The following SLC38A1 variants were observed in gnomAD, a reference collection of about 807,000 sequenced individuals.
SLC38A1 encodes the protein solute carrier family 38 member 1, also known as sodium-coupled neutral amino acid symporter 1.
Under a neutral mutation model 60.3 loss-of-function variants are expected in SLC38A1, and 18 were observed. That is an observed-to-expected ratio of 0.30 (90% CI 0.21 to 0.44). SLC38A1 has a LOEUF of 0.44. SLC38A1 is among the 20% of genes least tolerant of loss of function. The pLI is 1.00. For synonymous variants in SLC38A1, 196 were observed against 212.1 expected, an observed-to-expected ratio of 0.92 and a Z score of 0.66; for missense variants, 448 against 587.2, an observed-to-expected ratio of 0.76 and a Z score of 2.45.
rs1041552701 is a variant in SLC38A1, at chr12:46,187,034, T to G, written c.*1936A>C. 1 of 152,206 alleles carries G rather than the reference T, an allele frequency of 6.6e-6. No individual in the cohort carries two copies. Among genetic ancestry groups the G allele is most frequent in the Non-Finnish European group, 1.5e-5 (1 of 68,046 alleles). The allele number at this position is 152,206 out of a possible 1,614,324, so 9.4% of individuals were successfully genotyped here. A position where few individuals can be genotyped will look rare whatever the true frequency, so the allele number is the denominator to read the frequency against. ...TTGCTGAAAAGAACAGAGATGGCCA[T>G]GGATATGGCTAGGTTAGGTATTCAT... is the stretch of plus-strand genomic sequence containing the variant. On this transcript the variant is annotated 3_prime_UTR_variant, in exon 17 of 17. Transcript: ENST00000398637.
chr12:46,208,732 T>C (rs912950271), intron 6 of SLC38A1, among the ~76,000 whole-genome samples: 5 of 152,206 alleles, frequency 3.3e-5, no homozygotes, highest in African/African-American at 1.2e-4. Context: ...AAACATGGGA[T>C]CTTTGTTCTG....
At chr12:46,267,976 C>T (rs1942413507) in intron 1 of SLC38A1, among the ~76,000 whole-genome samples, 1 of 152,200 alleles carries the variant, frequency 6.6e-6, no homozygotes, top group Non-Finnish European at 1.5e-5. Context: ...GGCAGAGCAC[C>T]AGGAAGGACG....
At chr12:46,231,440 T>C (rs1222080002) in intron 3 of SLC38A1, among the ~76,000 whole-genome samples, 1 of 152,130 alleles carries the variant, frequency 6.6e-6, no homozygotes, top group African/African-American at 2.4e-5. Context: ...AAATAAAAAA[T>C]TAAATGAAAT....
chr12:46,250,877 T>C (rs1941813150), intron 1 of SLC38A1, among the ~76,000 whole-genome samples: 2 of 152,308 alleles, frequency 1.3e-5, no homozygotes, highest in South Asian at 4.1e-4. Flanking sequence ...TCCATGCTCA[T>C]GGATAGGAAG....
intron 5 of SLC38A1, among the ~76,000 whole-genome samples, chr12:46,216,994 A>G (rs1041265554): frequency 2.0e-5 from 3 of 152,358 alleles, no homozygotes; most frequent in Middle Eastern, 3.4e-3. Flanking sequence ...ATTCAAAATG[A>G]TCTTTTATAT....
chr12:46,233,671 T>G (rs1378138889), intron 3 of SLC38A1, among the ~76,000 whole-genome samples: 1 of 152,236 alleles, frequency 6.6e-6, no homozygotes, highest in Non-Finnish European at 1.5e-5. Context: ...AGCTGTTTCC[T>G]GCAGAACTTC....
intron 1 of SLC38A1, among the ~76,000 whole-genome samples, chr12:46,249,868 T>C (rs1272356588): frequency 6.6e-6 from 1 of 151,990 alleles, no homozygotes; most frequent in Non-Finnish European, 1.5e-5. Flanking sequence ...GTAAAAGAAG[T>C]CCAGGACCAG....
chr12:46,214,420 A>T (rs1940314782), intron 5 of SLC38A1, among the ~76,000 whole-genome samples: 1 of 152,234 alleles, frequency 6.6e-6, no homozygotes, highest in South Asian at 2.1e-4. Flanking sequence ...GAATCATATT[A>T]ACAGAATTGT....
chr12:46,219,152 A>G (rs2137577365), intron 5 of SLC38A1, among the ~76,000 whole-genome samples: 1 of 152,334 alleles, frequency 6.6e-6, no homozygotes, highest in Admixed American at 6.5e-5. Context: ...GCTGTTACCA[A>G]TTTTGTTTCA....
intron 4 of SLC38A1, 27 bp downstream of exon 4, chr12:46,229,537 A>T (rs1286065396): frequency 6.5e-7 from 1 of 1,532,694 alleles, no homozygotes; most frequent in South Asian, 1.1e-5. Flanking sequence ...TAAAAAAATA[A>T]GCATACTTCA....
chr12:46,215,648 T>G (rs919275712), intron 5 of SLC38A1, among the ~76,000 whole-genome samples: 1 of 152,180 alleles, frequency 6.6e-6, no homozygotes, highest in East Asian at 1.9e-4. Context: ...CCTCAGGTGA[T>G]CTGCCCACCT....
chr12:46,211,046 C>T (rs1439067760), intron 5 of SLC38A1, among the ~76,000 whole-genome samples: 1 of 152,086 alleles, frequency 6.6e-6, no homozygotes, highest in African/African-American at 2.4e-5. Context: ...GATATGGGAC[C>T]TAATTGTGGC....
intron 5 of SLC38A1, among the ~76,000 whole-genome samples, chr12:46,228,243 G>C (rs1324803607): frequency 2.6e-5 from 4 of 152,188 alleles, no homozygotes; most frequent in Non-Finnish European, 5.9e-5. Flanking sequence ...TCTGTTCCTG[G>C]AGTAATGGAA....
chr12:46,183,507 G>A lies in SLC38A1; in HGVS notation c.*5463C>T, dbSNP rs1195594832. ...ATTTGTGCTCATAATTAATATTCAGGTTCCCTCTCCCCGCTTTCATAGATC... is the reference window on the plus strand; with the variant it reads ...ATTTGTGCTCATAATTAATATTCAGATTCCCTCTCCCCGCTTTCATAGATC... On this transcript the variant is annotated 3_prime_UTR_variant, in exon 17 of 17. Transcript: ENST00000398637. The A allele has an allele frequency of 2.0e-5, 3 of 152,044 alleles. No individual in the cohort carries two copies. The highest frequency in any genetic ancestry group is 4.8e-5 in the African/African-American group (2 of 41,390). The allele number at this position is 152,044 out of a possible 1,614,324, so 9.4% of individuals were successfully genotyped here. A position where few individuals can be genotyped will look rare whatever the true frequency, so the allele number is the denominator to read the frequency against.
chr12:46,236,161 A>G (rs1941251283), intron 3 of SLC38A1, among the ~76,000 whole-genome samples: 1 of 152,218 alleles, frequency 6.6e-6, no homozygotes, highest in South Asian at 2.1e-4. Flanking sequence ...TATTATTTTT[A>G]GCCCCAGTTT....
chr12:46,233,750 A>G (rs2138070797), intron 3 of SLC38A1, among the ~76,000 whole-genome samples: 1 of 152,338 alleles, frequency 6.6e-6, no homozygotes, highest in East Asian at 1.9e-4. Context: ...ACATTAAAAC[A>G]CATTATTTGT....
intron 5 of SLC38A1, among the ~76,000 whole-genome samples, chr12:46,218,276 G>A (rs542789553): frequency 5.3e-5 from 8 of 151,700 alleles, no homozygotes; most frequent in East Asian, 1.9e-4. Context: ...AGGACAAGTC[G>A]TTTCCCTTCT....
intron 1 of SLC38A1, among the ~76,000 whole-genome samples, chr12:46,247,456 G>C (rs1229882357): frequency 2.0e-5 from 3 of 152,132 alleles, no homozygotes; most frequent in Non-Finnish European, 2.9e-5. Context: ...TCAAATTAAT[G>C]AAATAAAGTG....
intron 3 of SLC38A1, among the ~76,000 whole-genome samples, chr12:46,236,103 T>A (rs1422117534): frequency 6.6e-6 from 1 of 152,216 alleles, no homozygotes; most frequent in African/African-American, 2.4e-5. Context: ...TGCCAAGTAC[T>A]TTACATGAAT....
Sources: gnomAD v4.1 joint callset for allele counts (sites outside exome capture counted in the v4.1 genomes callset) on GRCh38, gnomAD v4.1.1 for gene constraint, MANE v1.5 for transcripts, NCBI Gene and HGNC (gene_info 2026-07-23, HGNC 2026-07-21) for gene names.